PRKG1: variants seen among roughly 807,000 people sequenced by gnomAD.
PRKG1 encodes cGMP-dependent protein kinase 1.
In PRKG1, 35 loss-of-function variants were observed where a neutral mutation model predicts 88.1. That is an observed-to-expected ratio of 0.40 (90% CI 0.30 to 0.53). The LOEUF (loss-of-function observed/expected upper bound fraction) is 0.53. Ranked by LOEUF, PRKG1 falls within the 20% of genes least tolerant of loss-of-function variation. The pLI is 0.59. For missense variants in PRKG1, 540 were observed against 839.8 expected, an observed-to-expected ratio of 0.64 and a Z score of 4.41; for synonymous variants, 303 against 292.5, an observed-to-expected ratio of 1.04 and a Z score of -0.37.
At chr10:51,355,199 T>C (rs990314775) in intron 2 of PRKG1, among the ~76,000 whole-genome samples, 4 of 152,108 alleles carry the variant, frequency 2.6e-5, no homozygotes, top group African/African-American at 9.7e-5. Flanking sequence ...TTTATTACTA[T>C]TGTTATTTCC....
intron 3 of PRKG1, among the ~76,000 whole-genome samples, chr10:51,483,156 G>A (rs1840422088): frequency 6.6e-6 from 1 of 151,926 alleles, no homozygotes; most frequent in South Asian, 2.1e-4. Flanking sequence ...GAGTAGCTGG[G>A]ACTATAGGCG....
chr10:51,596,343 C>T (rs919684511), intron 3 of PRKG1, among the ~76,000 whole-genome samples: 9 of 152,102 alleles, frequency 5.9e-5, no homozygotes, highest in Admixed American at 3.3e-4. Context: ...ATGGTATCAC[C>T]TTCTTCTCAA....
intron 5 of PRKG1, among the ~76,000 whole-genome samples, chr10:51,991,199 C>T (rs1238779064): frequency 6.6e-6 from 1 of 152,046 alleles, no homozygotes; most frequent in East Asian, 1.9e-4. Context: ...TGCAACTTTA[C>T]TGAGTTTGTT....
intron 4 of PRKG1, among the ~76,000 whole-genome samples, chr10:51,862,883 G>A (rs181750176): frequency 1.5e-4 from 23 of 152,186 alleles, no homozygotes; most frequent in Non-Finnish European, 2.8e-4. Context: ...ACAGTGCCTG[G>A]CCTATGTAAG....
At chr10:51,777,659 C>A (rs761627336) in intron 3 of PRKG1, among the ~76,000 whole-genome samples, 1 of 152,136 alleles carries the variant, frequency 6.6e-6, no homozygotes, top group Non-Finnish European at 1.5e-5. Flanking sequence ...AGGGTTCACT[C>A]TTGGTGTTGT....
chr10:51,131,301 A>G (rs1845560358), intron 1 of PRKG1, among the ~76,000 whole-genome samples: 1 of 152,242 alleles, frequency 6.6e-6, no homozygotes, highest in Non-Finnish European at 1.5e-5. Context: ...TTATTTTTGT[A>G]GAGTTTATTC....
chr10:52,003,366 C>G lies in PRKG1; in HGVS notation c.763-51118C>G, dbSNP rs115973044. Among the ~76,000 whole-genome samples the G allele has an allele frequency of 3.8e-3, 573 of 150,038 alleles. 7 individuals carry two copies. Among genetic ancestry groups the G allele is most frequent in the African/African-American group, 0.013 (548 of 40,998 alleles). ...TTTTTAGTCTAAATCTCATTATCCT[C>G]AAATTCCATTCTCCTTTGCAAATCC... On this transcript the variant is annotated intron_variant, in intron 5 of 17. Coordinates refer to ENST00000373980, the MANE Select transcript of PRKG1 (RefSeq NM_006258.4).
At chr10:51,429,389 G>A (rs1588949587) in intron 2 of PRKG1, among the ~76,000 whole-genome samples, 1 of 152,182 alleles carries the variant, frequency 6.6e-6, no homozygotes, top group South Asian at 2.1e-4. Context: ...CAGACTTGCT[G>A]TACTATATTA....
chr10:51,939,692 A>C (rs1391526252), intron 5 of PRKG1, among the ~76,000 whole-genome samples: 1 of 151,784 alleles, frequency 6.6e-6, no homozygotes. Flanking sequence ...TTTAGGGAGT[A>C]GAGTCCTTAA....
At chr10:51,705,687 A>G (rs1841587906) in intron 3 of PRKG1, among the ~76,000 whole-genome samples, 1 of 152,322 alleles carries the variant, frequency 6.6e-6, no homozygotes, top group Non-Finnish European at 1.5e-5. Flanking sequence ...TCTTTCTGCA[A>G]CCTTTTGAAG....
At chr10:51,442,927 A>C (rs1839163592) in intron 2 of PRKG1, among the ~76,000 whole-genome samples, 1 of 152,022 alleles carries the variant, frequency 6.6e-6, no homozygotes, top group South Asian at 2.1e-4. Context: ...GTCAGATGGC[A>C]ACTAGGCATA....
chr10:52,155,435 A>C (rs1339759185), intron 8 of PRKG1, among the ~76,000 whole-genome samples: 1 of 152,060 alleles, frequency 6.6e-6, no homozygotes, highest in South Asian at 2.1e-4. Context: ...TAAACAAAAA[A>C]ATCGAGAAGT....
intron 1 of PRKG1, among the ~76,000 whole-genome samples, chr10:51,109,417 A>C (rs189389063): frequency 1.3e-5 from 2 of 152,234 alleles, no homozygotes; most frequent in Admixed American, 6.5e-5. Context: ...AGAAACCGAC[A>C]ACTGCCCCCC....
At chr10:51,664,208 T>C (rs572926694) in intron 3 of PRKG1, among the ~76,000 whole-genome samples, 2 of 152,286 alleles carry the variant, frequency 1.3e-5, no homozygotes, top group South Asian at 2.1e-4. Flanking sequence ...TTCATTTTAT[T>C]CAATTTGACA....
At chr10:51,076,671 G>A (rs775899501) in intron 1 of PRKG1, among the ~76,000 whole-genome samples, 2 of 152,196 alleles carry the variant, frequency 1.3e-5, no homozygotes, top group Non-Finnish European at 2.9e-5. Context: ...AGTAGGGAAT[G>A]AGCTATACAA....
chr10:51,886,485 T>C (rs10762467), intron 4 of PRKG1, among the ~76,000 whole-genome samples: 63,208 of 151,966 alleles, frequency 0.42, 13,478 homozygotes, highest in East Asian at 0.63. Context: ...TCATGTAATA[T>C]AGCTTGGAGT....
chr10:51,494,614 A>T (rs1380114682), intron 3 of PRKG1, among the ~76,000 whole-genome samples: 3 of 152,226 alleles, frequency 2.0e-5, no homozygotes, highest in Non-Finnish European at 4.4e-5. Flanking sequence ...TGGTAATTAC[A>T]AACTATAACT....
intron 2 of PRKG1, among the ~76,000 whole-genome samples, chr10:51,238,545 G>T (rs149126933): frequency 0.022 from 3,363 of 151,888 alleles, 119 homozygotes; most frequent in African/African-American, 0.077. Context: ...TGGTGCCACT[G>T]CACTCCAGCC....
intron 3 of PRKG1, among the ~76,000 whole-genome samples, chr10:51,734,149 T>C (rs1837200024): frequency 6.6e-6 from 1 of 152,174 alleles, no homozygotes; most frequent in South Asian, 2.1e-4. Flanking sequence ...CTTCAGTGAA[T>C]AACATTATAT....
Sources: allele counts gnomAD v4.1 joint callset (sites outside exome capture counted in the v4.1 genomes callset), GRCh38; gene constraint gnomAD v4.1.1; transcripts MANE v1.5; gene names NCBI Gene and HGNC (gene_info 2026-07-23, HGNC 2026-07-21).